BANP: variants seen among roughly 807,000 people sequenced by gnomAD.
BANP encodes the protein protein BANP.
BANP carries 11 observed loss-of-function variants against 68.1 expected under a neutral mutation model. The ratio of observed to expected loss-of-function variants is 0.16; its 90% CI spans 0.10 to 0.27. The LOEUF (loss-of-function observed/expected upper bound fraction) is 0.27, where lower values mean the gene tolerates loss of function less well. Ranked by LOEUF, BANP falls within the 10% of genes least tolerant of loss-of-function variation. The pLI, the probability that BANP is intolerant of heterozygous loss-of-function variation, is 1.00. For synonymous variants in BANP, 329 were observed against 303.2 expected (o/e 1.09, Z -0.88); for missense variants, 504 against 722.7 (o/e 0.70, Z 3.47).
At chr16:88,006,349 A>G (rs2071103314) in intron 6 of BANP, 84 bp downstream of exon 6, 14 of 1,489,726 alleles carry the variant, frequency 9.4e-6, no homozygotes, top group South Asian at 6.5e-5. Context: ...GTTGTTTTTT[A>G]AAGAAGTGAT....
intron 13 of BANP, among the ~76,000 whole-genome samples, chr16:88,073,475 A>G (rs772568792): frequency 1.3e-5 from 2 of 152,086 alleles, no homozygotes; most frequent in East Asian, 3.9e-4. Flanking sequence ...GTTTGGTTCC[A>G]CATTGTCGCC....
chr16:87,953,498 A>C (rs1296881927), intron 1 of BANP, among the ~76,000 whole-genome samples: 1 of 152,162 alleles, frequency 6.6e-6, no homozygotes, highest in East Asian at 1.9e-4. Context: ...GACTGCACCT[A>C]GCTCTAAGCT....
At chr16:88,053,199 T>C (rs1437613342) in intron 11 of BANP, among the ~76,000 whole-genome samples, 20 of 107,766 alleles carry the variant, frequency 1.9e-4, no homozygotes, top group South Asian at 6.2e-4. Context: ...CCTCCACCAC[T>C]ATCATCTCCA....
chr16:87,981,385 A>G (rs1029281703), intron 3 of BANP, among the ~76,000 whole-genome samples: 1 of 151,980 alleles, frequency 6.6e-6, no homozygotes, highest in African/African-American at 2.4e-5. Context: ...CTTCCTCTTC[A>G]TGTTGCGGCC....
At chr16:88,029,518 G>A in intron 8 of BANP, among the ~76,000 whole-genome samples, 1 of 151,690 alleles carries the variant, frequency 6.6e-6, no homozygotes, top group Non-Finnish European at 1.5e-5. Flanking sequence ...GGCTGAGGCA[G>A]GAGAATGGCG....
chr16:88,028,745 A>G (rs113499168), intron 8 of BANP, among the ~76,000 whole-genome samples: 2 of 152,208 alleles, frequency 1.3e-5, no homozygotes, highest in African/African-American at 4.8e-5. Flanking sequence ...GGCTGTAGGA[A>G]TATTGCGCAT....
chr16:87,952,404 A>G (rs2057124369), intron 1 of BANP: 1 of 152,198 alleles, frequency 6.6e-6, no homozygotes, highest in African/African-American at 2.4e-5. Flanking sequence ...ACAGTTGTTG[A>G]TGTGGAACAG....
chr16:88,071,942 G>T lies in BANP; in HGVS notation c.1378-127G>T. 7.8e-7 allele frequency: 1 copy of T among 1,277,830 alleles called. No homozygotes were observed. The highest frequency in any genetic ancestry group is 2.0e-5 in the Admixed American group (1 of 49,504). The allele number at this position is 1,277,830 out of a possible 1,614,324, so 79.2% of individuals were successfully genotyped here. A position where few individuals can be genotyped will look rare whatever the true frequency, so the allele number is the denominator to read the frequency against. On this transcript the variant is annotated intron_variant, in intron 12 of 13. Transcript: ENST00000682872. This position sits in a 1 kb window ranked among gnomAD's most constrained non-coding sequence, Gnocchi z 6.5. Reference sequence around the variant, plus strand: ...CGCAGAGTCCTCGGTGTGGCCCTGAGGCCGTGTCCCTGCCGCTCAGGGGAC... The same window carrying T: ...CGCAGAGTCCTCGGTGTGGCCCTGATGCCGTGTCCCTGCCGCTCAGGGGAC...
At chr16:88,025,391 C>T (rs78607685) in intron 7 of BANP, among the ~76,000 whole-genome samples, 33,674 of 152,116 alleles carry the variant, frequency 0.22, 4,510 homozygotes, top group East Asian at 0.57. Context: ...CTGAGGCGCC[C>T]GAGTCACCCA....
At chr16:88,041,192 A>G (rs1349351279) in intron 11 of BANP, among the ~76,000 whole-genome samples, 1 of 152,240 alleles carries the variant, frequency 6.6e-6, no homozygotes, top group African/African-American at 2.4e-5. Flanking sequence ...TATTTTCAGA[A>G]TCAGTGGACA....
chr16:87,991,747 C>T (rs1348772956), intron 4 of BANP, among the ~76,000 whole-genome samples: 1 of 152,154 alleles, frequency 6.6e-6, no homozygotes, highest in Non-Finnish European at 1.5e-5. Context: ...GACCTTTATC[C>T]TGTGTCATTT....
At position 88,002,537 on chromosome 16, in the gene BANP, G is replaced by A. The variant is rs1239482273; in HGVS notation, c.363-1758G>A. Among the ~76,000 whole-genome samples, 2 of 152,126 alleles carry A rather than the reference G, an allele frequency of 1.3e-5. No individual in the cohort carries two copies. The highest frequency in any genetic ancestry group is 2.9e-5 in the Non-Finnish European group (2 of 68,028). ...CACACACATTGAGATACTCGCTCAA[G>A]GAGAGTCATCTTTAGGCAACAGGAC... On this transcript the variant is annotated intron_variant, in intron 4 of 13. Transcript: ENST00000682872. The surrounding 1 kb of genome is among the most constrained non-coding windows in gnomAD (Gnocchi z 4.6).
intron 11 of BANP, among the ~76,000 whole-genome samples, chr16:88,058,851 A>G (rs572809086): frequency 2.0e-5 from 3 of 152,228 alleles, no homozygotes; most frequent in South Asian, 4.1e-4. Context: ...TCTCTTATTT[A>G]TAATGTTCAG....
intron 1 of BANP, among the ~76,000 whole-genome samples, chr16:87,970,907 C>G (rs1249968714): frequency 6.6e-6 from 1 of 151,830 alleles, no homozygotes; most frequent in Non-Finnish European, 1.5e-5. Flanking sequence ...ATCACAGCTA[C>G]TCGGGAGGCT....
intron 9 of BANP, chr16:88,035,010 A>G (rs986643520): frequency 1.7e-5 from 5 of 296,526 alleles, no homozygotes; most frequent in African/African-American, 8.8e-5. Flanking sequence ...TTTGTCCAGC[A>G]TGTCCAAGCT....
intron 6 of BANP, among the ~76,000 whole-genome samples, chr16:88,016,258 T>TG (rs2074532424): frequency 6.6e-6 from 1 of 152,220 alleles, no homozygotes; most frequent in South Asian, 2.1e-4. Context: ...CGCTGGGAAA[T>TG]GCGTGGTGCA....
intron 7 of BANP, among the ~76,000 whole-genome samples, chr16:88,019,978 G>A (rs2075674549): frequency 6.6e-6 from 1 of 152,230 alleles, no homozygotes; most frequent in Non-Finnish European, 1.5e-5. Context: ...CTTCCCATGT[G>A]CCATGTCTTG....
rs774735387 is a variant in BANP, at chr16:87,981,070, C to G, written c.105C>G (p.Asp35Glu). The stretch of plus-strand genomic sequence containing the variant: ...AGAATCATGTAGTGACAGATGAAGA[C>G]GAACCTGCTTTGAAACGCCAGCGAC... ...VLENHVVTDE[D>E]EPALKRQRLE... The change falls in exon 3 of 14, where the codon GAC becomes GAG. Residue 35 changes from aspartate to glutamate, a missense_variant. Transcript: ENST00000682872. 24 of 1,613,956 alleles carry G rather than the reference C, an allele frequency of 1.5e-5. No homozygotes were observed. In the South Asian group the frequency reaches 2.6e-4, roughly 18 times the overall value.
intron 11 of BANP, among the ~76,000 whole-genome samples, chr16:88,053,719 A>G (rs2084032180): frequency 6.7e-6 from 1 of 150,236 alleles, no homozygotes; most frequent in Admixed American, 6.6e-5. Context: ...CATCACCAAC[A>G]CAACCACCTT....
Sources: gnomAD v4.1 joint callset for allele counts (sites outside exome capture counted in the v4.1 genomes callset) on GRCh38, gnomAD v4.1.1 for gene constraint, Gnocchi (gnomAD v3.1) non-coding constraint, MANE v1.5 for transcripts, NCBI Gene and HGNC (gene_info 2026-07-23, HGNC 2026-07-21) for gene names.